NSUN4: variants seen among roughly 807,000 people sequenced by gnomAD.
The protein encoded by NSUN4 is 5-cytosine rRNA methyltransferase NSUN4.
In NSUN4, 31 loss-of-function variants were observed where a neutral mutation model predicts 43.8. That is an observed-to-expected ratio of 0.71 (90% CI 0.53 to 0.96). The LOEUF (loss-of-function observed/expected upper bound fraction) is 0.96, where lower values mean the gene tolerates loss of function less well. NSUN4 is among the 40% of genes least tolerant of loss of function. The pLI is 0.00. For synonymous variants in NSUN4, 167 were observed against 184.1 expected, an observed-to-expected ratio of 0.91 and a Z score of 0.75; for missense variants, 439 against 475.6, an observed-to-expected ratio of 0.92 and a Z score of 0.72.
At chr1:46,343,974 A>G in intron 1 of NSUN4, 1 of 394,646 alleles carries the variant, frequency 2.5e-6, no homozygotes, top group Non-Finnish European at 4.5e-6. Flanking sequence ...TTCTGACCAG[A>G]CCAAAAATCT....
the NSUN4 span, among the ~76,000 whole-genome samples, chr1:46,371,595 C>T: frequency 2.0e-5 from 3 of 152,126 alleles, no homozygotes; most frequent in South Asian, 2.1e-4. Context: ...CGTGAGCCAC[C>T]GTGCTCAGCC....
intron 1 of NSUN4, chr1:46,343,752 G>T (rs1157608354): frequency 2.5e-6 from 1 of 400,282 alleles, no homozygotes; most frequent in East Asian, 3.6e-5. Context: ...TGAGCACCAG[G>T]GTGAGAGTCC....
chr1:46,346,943 G>T lies in NSUN4; in HGVS notation c.460G>T (p.Glu154Ter), dbSNP rs1333815010. 1 of 1,613,872 alleles carries T rather than the reference G, an allele frequency of 6.2e-7. No homozygotes were observed. The highest frequency in any genetic ancestry group is 1.1e-5 in the South Asian group (1 of 91,046). Reference protein sequence around the residue: ...PARPGSLGVMEYYLMDAASLL... With the variant: ...PARPGSLGVM ...CAGACCTGGCAGCCTGGGTGTCATG[G>T]AGTACTACCTGATGGATGCTGCCTC... The change falls in exon 3 of 6, where the codon GAG (glutamate) becomes TAG (stop). Residue 154 changes from glutamate (E) to a stop codon, truncating the protein, a stop_gained. Coordinates refer to ENST00000474844, the MANE Select transcript of NSUN4 (RefSeq NM_199044.4). LOFTEE classifies it high-confidence loss of function.
chr1:46,342,874 G>C, intron 1 of NSUN4: 1 of 399,554 alleles, frequency 2.5e-6, no homozygotes, highest in Non-Finnish European at 4.4e-6. Context: ...GCCCACACCT[G>C]TCCCCCACCT....
the NSUN4 span, among the ~76,000 whole-genome samples, chr1:46,371,212 C>G: frequency 6.0e-5 from 9 of 151,052 alleles, no homozygotes; most frequent in African/African-American, 1.7e-4. Flanking sequence ...TCGTGGCTCA[C>G]TGACTCCCAG....
chr1:46,341,292 A>T, intron 1 of NSUN4: 1 of 952,948 alleles, frequency 1.0e-6, no homozygotes, highest in Non-Finnish European at 1.2e-6. Context: ...CTTCCCCCAC[A>T]TGACTTCTCC....
At chr1:46,354,807 T>A (rs1220638765) in intron 4 of NSUN4, among the ~76,000 whole-genome samples, 1 of 151,968 alleles carries the variant, frequency 6.6e-6, no homozygotes, top group Non-Finnish European at 1.5e-5. Context: ...GCAGCTGGGA[T>A]TACAGGTGTG....
At chr1:46,370,749 A>C in the NSUN4 span, 4 of 152,270 alleles carry the variant, frequency 2.6e-5, no homozygotes, top group Non-Finnish European at 5.9e-5. Flanking sequence ...TTCCATGGGA[A>C]TGAGTTTAAG....
At chr1:46,341,648 A>G (rs1181202729) in intron 1 of NSUN4, 3 of 1,211,996 alleles carry the variant, frequency 2.5e-6, no homozygotes, top group Non-Finnish European at 3.1e-6. Context: ...CATCTCTTCC[A>G]CCCCCACAAC....
chr1:46,371,978 G>A, the NSUN4 span, among the ~76,000 whole-genome samples: 1 of 152,016 alleles, frequency 6.6e-6, no homozygotes, highest in African/African-American at 2.4e-5. Flanking sequence ...CTCCAGTAGC[G>A]GGGTTTACAT....
chr1:46,346,852 T>G, intron 2 of NSUN4, 69 bp from the exon 3 acceptor site: 1 of 1,353,152 alleles, frequency 7.4e-7, no homozygotes, highest in Non-Finnish European at 1.0e-6. Flanking sequence ...GGCATAGACT[T>G]GGTGGCCTAG....
At chr1:46,371,159 CAG>C in the NSUN4 span, among the ~76,000 whole-genome samples, 2 of 141,686 alleles carry the variant, frequency 1.4e-5, no homozygotes, top group Admixed American at 7.3e-5. Context: ...TTTTTTGAGA[CAG>C]AGTCTTGCTT....
Position 46,345,144 on chromosome 1 carries a change from G to C in NSUN4, c.437G>C (p.Arg146Thr). ...RGDISRFPPA[R>T]PGSLGVMEYY... ...GATATCAGTCGCTTCCCTCCTGCCA[G>C]GTAGGATCTGGAGCCATGACTGGAG... is the stretch of plus-strand genomic sequence containing the variant. Residue 146 changes from arginine (R) to threonine (T), a missense_variant and splice_region_variant, in exon 2 of 6, where the codon AGA becomes ACA. Transcript: ENST00000474844. 6.3e-7 allele frequency: 1 copy of C among 1,594,946 alleles called. No homozygotes were observed.
intron 1 of NSUN4, chr1:46,341,873 C>T (rs1662135947): frequency 1.6e-6 from 2 of 1,232,940 alleles, no homozygotes; most frequent in East Asian, 6.3e-5. Context: ...AAGGCACGTA[C>T]TGTGACCAGC....
At chr1:46,344,740 C>T in intron 1 of NSUN4, 61 bp from the exon 2 acceptor site, 1 of 1,448,788 alleles carries the variant, frequency 6.9e-7, no homozygotes, top group Non-Finnish European at 9.5e-7. Flanking sequence ...AGGTGGGGGT[C>T]AGGTAGTAGG....
chr1:46,348,709 CAAAAAA>C (rs34999763), intron 3 of NSUN4, among the ~76,000 whole-genome samples: 16,883 of 51,218 alleles, frequency 0.33, 1,306 homozygotes, highest in Non-Finnish European at 0.41. Flanking sequence ...AACTCTGTCT[CAAAAAA>C]AAAAAAAAAA....
intron 4 of NSUN4, among the ~76,000 whole-genome samples, chr1:46,354,219 G>T (rs915249153): frequency 6.6e-6 from 1 of 151,488 alleles, no homozygotes; most frequent in Admixed American, 6.6e-5. Flanking sequence ...GGGTCCTCCT[G>T]CCTCAGTTTC....
the NSUN4 span, among the ~76,000 whole-genome samples, chr1:46,384,599 A>C: frequency 6.6e-6 from 1 of 152,242 alleles, no homozygotes; most frequent in Admixed American, 6.5e-5. Flanking sequence ...CAGAGCAGTC[A>C]GACCTTGCAA....
chr1:46,347,421 G>A (rs1662594534), intron 3 of NSUN4, among the ~76,000 whole-genome samples: 1 of 152,178 alleles, frequency 6.6e-6, no homozygotes, highest in Non-Finnish European at 1.5e-5. Context: ...CTTGGCGACA[G>A]AGTGAAACCC....
Sources: allele counts gnomAD v4.1 joint callset (sites outside exome capture counted in the v4.1 genomes callset), GRCh38; gene constraint gnomAD v4.1.1; transcripts MANE v1.5; gene names NCBI Gene and HGNC (gene_info 2026-07-23, HGNC 2026-07-21).